Variants in IGSF11 observed in about 807,000 individuals in gnomAD.
The protein encoded by IGSF11 is CXADR like 1.
A neutral mutation model predicts 41.0 loss-of-function variants in IGSF11; 22 were observed. The ratio of observed to expected loss-of-function variants is 0.54; its 90% confidence interval spans 0.38 to 0.77. IGSF11 has a LOEUF of 0.77. Among genes scored for constraint, IGSF11 ranks in the 30% least tolerant of loss-of-function variants. The pLI is 0.00. For missense variants in IGSF11, 444 were observed against 530.8 expected, an observed-to-expected ratio of 0.84 and a Z score of 1.61; for synonymous variants, 219 against 201.3, an observed-to-expected ratio of 1.09 and a Z score of -0.74.
At chr3:119,076,087 A>C (rs1413231422) in intron 1 of IGSF11, among the ~76,000 whole-genome samples, 1 of 152,220 alleles carries the variant, frequency 6.6e-6, no homozygotes, top group Non-Finnish European at 1.5e-5. Context: ...AACAGAACAG[A>C]GCCCTCAGAA....
intron 1 of IGSF11, among the ~76,000 whole-genome samples, chr3:119,027,840 A>G (rs182766900): frequency 3.0e-4 from 45 of 152,316 alleles, no homozygotes; most frequent in Middle Eastern, 3.4e-3. Flanking sequence ...ATATTTACAC[A>G]TGGGCAATAT....
chr3:118,978,161 T>C (rs989189073), intron 1 of IGSF11, among the ~76,000 whole-genome samples: 2 of 152,128 alleles, frequency 1.3e-5, no homozygotes, highest in Admixed American at 6.5e-5. Flanking sequence ...TCCAGGAGCT[T>C]GGAGACTGCC....
intron 1 of IGSF11, among the ~76,000 whole-genome samples, chr3:119,057,152 G>A (rs1450851101): frequency 6.6e-6 from 1 of 152,114 alleles, no homozygotes; most frequent in Non-Finnish European, 1.5e-5. Context: ...GAAATAAAGG[G>A]TATTCAATTA....
chr3:119,069,327 G>C (rs1306694520), intron 1 of IGSF11, among the ~76,000 whole-genome samples: 1 of 152,114 alleles, frequency 6.6e-6, no homozygotes, highest in Non-Finnish European at 1.5e-5. Flanking sequence ...CAATGAGTGA[G>C]TGAAATATAT....
chr3:119,004,029 G>C (rs558257811), intron 1 of IGSF11, among the ~76,000 whole-genome samples: 3 of 152,160 alleles, frequency 2.0e-5, no homozygotes, highest in South Asian at 2.1e-4. Flanking sequence ...AATAGGTTCA[G>C]AAGGAATGGT....
At chr3:119,087,401 C>T (rs771372386) in intron 1 of IGSF11, among the ~76,000 whole-genome samples, 2,145 of 137,460 alleles carry the variant, frequency 0.016, 23 homozygotes, top group Non-Finnish European at 0.024. Flanking sequence ...CACACACACA[C>T]ATACACACAC....
rs76650239 is a variant in IGSF11, at chr3:118,997,075, G to A, written c.52+37456C>T. 1.2e-3 allele frequency among the ~76,000 whole-genome samples: 185 copies of A among 150,000 alleles called. 1 individual carries two copies. The highest frequency in any genetic ancestry group is 4.4e-3 in the African/African-American group (175 of 39,418). ...GGGATGTGCAAGGGGTGACCCTATGGCAACTGGTAGTAGGAGCCTGAATCC... is the reference window on the plus strand; with the variant it reads ...GGGATGTGCAAGGGGTGACCCTATGACAACTGGTAGTAGGAGCCTGAATCC... On this transcript the variant is annotated intron_variant, in intron 1 of 6. Coordinates refer to ENST00000393775, the MANE Select transcript of IGSF11 (RefSeq NM_001015887.3).
intron 1 of IGSF11, among the ~76,000 whole-genome samples, chr3:119,125,914 C>T (rs555378689): frequency 2.0e-5 from 3 of 152,176 alleles, no homozygotes; most frequent in Non-Finnish European, 4.4e-5. Context: ...CAGAAGACCC[C>T]GCTCGCGAAC....
At chr3:119,053,964 A>C (rs559209240) in intron 1 of IGSF11, among the ~76,000 whole-genome samples, 1 of 152,316 alleles carries the variant, frequency 6.6e-6, no homozygotes, top group Middle Eastern at 3.4e-3. Context: ...GGCAAGCCAC[A>C]TGTAGAAGAA....
intron 1 of IGSF11, among the ~76,000 whole-genome samples, chr3:119,090,046 CA>C (rs1276350590): frequency 6.6e-6 from 1 of 151,848 alleles, no homozygotes; most frequent in Admixed American, 6.6e-5. Context: ...AACCAAAAAA[CA>C]AAAAAGATAC....
intron 1 of IGSF11, among the ~76,000 whole-genome samples, chr3:119,007,898 C>T (rs924273274): frequency 6.6e-6 from 1 of 152,142 alleles, no homozygotes; most frequent in African/African-American, 2.4e-5. Flanking sequence ...ACTTCCATTG[C>T]CTCCTCCTTC....
chr3:119,041,094 GATAAA>G (rs1172683951), intron 1 of IGSF11, among the ~76,000 whole-genome samples: 4 of 151,910 alleles, frequency 2.6e-5, no homozygotes, highest in Admixed American at 1.3e-4. Context: ...TAAGAATTTT[GATAAA>G]ATAAAATAGG....
chr3:119,051,078 A>G (rs903180203), intron 1 of IGSF11, among the ~76,000 whole-genome samples: 1 of 151,864 alleles, frequency 6.6e-6, no homozygotes, highest in African/African-American at 2.4e-5. Flanking sequence ...GCACACCAGC[A>G]TGGCACCTGT....
At chr3:119,144,395 G>A (rs2077691124) in intron 1 of IGSF11, among the ~76,000 whole-genome samples, 1 of 152,094 alleles carries the variant, frequency 6.6e-6, no homozygotes, top group Non-Finnish European at 1.5e-5. Flanking sequence ...AAACCATATG[G>A]TAGGCCACAA....
upstream of IGSF11, among the ~76,000 whole-genome samples, chr3:119,107,929 T>A (rs1329523026): frequency 1.3e-5 from 2 of 148,694 alleles, no homozygotes; most frequent in African/African-American, 2.5e-5. Context: ...AGGGCTCTGT[T>A]CTGTTCCATT....
In IGSF11 at chr3:118,954,484, C is replaced by T. The variant is rs374834805; in HGVS notation, c.53-24209G>A. On this transcript the variant is annotated intron_variant, in intron 1 of 6. Transcript: ENST00000393775. ...TCCTTGAACCCCTCAAGGTCATGCA[C>T]AAGGGTTGGAATCAACTTCTTACAA... is the stretch of plus-strand genomic sequence containing the variant. Among the ~76,000 whole-genome samples, 5 of 152,046 alleles carry T rather than the reference C, an allele frequency of 3.3e-5. No homozygotes were observed. In the East Asian group the frequency reaches 9.6e-4, roughly 29 times the overall value.
chr3:119,067,797 C>G (rs1192688924), intron 1 of IGSF11, among the ~76,000 whole-genome samples: 2 of 152,144 alleles, frequency 1.3e-5, no homozygotes, highest in Non-Finnish European at 2.9e-5. Flanking sequence ...CAGGCAAAAG[C>G]CCCAGAGGGA....
At chr3:118,906,151 G>T (rs1165951895) in intron 4 of IGSF11, among the ~76,000 whole-genome samples, 1 of 152,176 alleles carries the variant, frequency 6.6e-6, no homozygotes, top group East Asian at 1.9e-4. Flanking sequence ...GTGCTCTAAG[G>T]TATAGACTGT....
intron 4 of IGSF11, among the ~76,000 whole-genome samples, chr3:118,924,616 A>G (rs1210607737): frequency 2.0e-5 from 3 of 152,166 alleles, no homozygotes; most frequent in Non-Finnish European, 4.4e-5. Flanking sequence ...ATTCAAGTTG[A>G]AAAAAGGATA....
Sources: allele counts gnomAD v4.1 joint callset (sites outside exome capture counted in the v4.1 genomes callset), GRCh38; gene constraint gnomAD v4.1.1; transcripts MANE v1.5; gene names NCBI Gene and HGNC (gene_info 2026-07-23, HGNC 2026-07-21).